Variants in SLC35F3 observed in about 807,000 individuals in gnomAD.
SLC35F3 encodes the protein putative thiamine transporter SLC35F3.
A neutral mutation model predicts 49.9 loss-of-function variants in SLC35F3; 25 were observed. The observed-to-expected ratio is 0.50, with a 90% confidence interval of 0.37 to 0.70. The LOEUF is 0.70. Among genes scored for constraint, SLC35F3 ranks in the 30% least tolerant of loss-of-function variants. SLC35F3 has a pLI of 0.00. For synonymous variants in SLC35F3, 275 were observed against 265.4 expected (o/e 1.04, Z -0.35); for missense variants, 525 against 639.8 (o/e 0.82, Z 1.94).
At chr1:234,035,102 C>T (rs1016195023) in intron 2 of SLC35F3, among the ~76,000 whole-genome samples, 2 of 152,202 alleles carry the variant, frequency 1.3e-5, no homozygotes, top group Admixed American at 1.3e-4. Context: ...CACTCCCTGC[C>T]TTCCGATCCC....
chr1:234,192,490 A>T (rs930038947), intron 2 of SLC35F3, among the ~76,000 whole-genome samples: 1 of 152,216 alleles, frequency 6.6e-6, no homozygotes, highest in Admixed American at 6.5e-5. Flanking sequence ...CACAGCCAAC[A>T]TAATACTGAA....
At chr1:234,212,484 G>A (rs1667058573) in intron 2 of SLC35F3, 1 of 152,146 alleles carries the variant, frequency 6.6e-6, no homozygotes, top group Non-Finnish European at 1.5e-5. Context: ...ATAAGTTCAG[G>A]CTTTTGAATA....
chr1:234,162,827 C>T (rs1031559532), intron 2 of SLC35F3, among the ~76,000 whole-genome samples: 3 of 152,172 alleles, frequency 2.0e-5, no homozygotes, highest in African/African-American at 7.2e-5. Context: ...TGTCTGTTTG[C>T]CTGGGGTTCC....
intron 2 of SLC35F3, among the ~76,000 whole-genome samples, chr1:233,921,474 C>G (rs907552066): frequency 6.6e-6 from 1 of 152,110 alleles, no homozygotes; most frequent in Admixed American, 6.6e-5. Flanking sequence ...TATCTAATGA[C>G]GTTTATTCAC....
intron 3 of SLC35F3, among the ~76,000 whole-genome samples, chr1:234,292,585 T>C (rs1668526848): frequency 6.6e-6 from 1 of 152,178 alleles, no homozygotes; most frequent in African/African-American, 2.4e-5. Flanking sequence ...GAATAAATGA[T>C]AAATGTTAGA....
chr1:234,167,775 A>G (rs1306076616), intron 2 of SLC35F3, among the ~76,000 whole-genome samples: 1 of 152,194 alleles, frequency 6.6e-6, no homozygotes, highest in Non-Finnish European at 1.5e-5. Flanking sequence ...TAGGGTAAAT[A>G]TCATTGATCC....
intron 2 of SLC35F3, among the ~76,000 whole-genome samples, chr1:233,930,580 C>T (rs1038136596): frequency 4.6e-5 from 7 of 152,134 alleles, no homozygotes; most frequent in African/African-American, 1.7e-4. Context: ...GGTTGATGCA[C>T]ACATTCTTTA....
At chr1:234,260,920 T>G (rs2102968255) in intron 3 of SLC35F3, among the ~76,000 whole-genome samples, 1 of 152,288 alleles carries the variant, frequency 6.6e-6, no homozygotes, top group African/African-American at 2.4e-5. Flanking sequence ...AGAGTTCCCA[T>G]GAGAGGGAAA....
chr1:234,297,319 G>A (rs1668619164), intron 3 of SLC35F3, among the ~76,000 whole-genome samples: 8 of 152,202 alleles, frequency 5.3e-5, no homozygotes, highest in Admixed American at 5.2e-4. Context: ...CAAAGGAACT[G>A]AAATCAGTAT....
chr1:234,181,951 T>C (rs1666564699), intron 2 of SLC35F3, among the ~76,000 whole-genome samples: 1 of 152,226 alleles, frequency 6.6e-6, no homozygotes, highest in African/African-American at 2.4e-5. Flanking sequence ...TTCTATCATC[T>C]TCTTTTTACT....
intron 3 of SLC35F3, among the ~76,000 whole-genome samples, chr1:234,242,677 A>G (rs1328804168): frequency 6.6e-6 from 1 of 152,254 alleles, no homozygotes; most frequent in Non-Finnish European, 1.5e-5. Context: ...TGTTGAGCAG[A>G]GAGAAAACAA....
chr1:234,207,831 A>G (rs575578990), intron 2 of SLC35F3, among the ~76,000 whole-genome samples: 32 of 152,210 alleles, frequency 2.1e-4, no homozygotes, highest in African/African-American at 7.2e-4. Context: ...GTAAGCTCAC[A>G]TCTCTACAAA....
At position 234,181,650 on chromosome 1, in the gene SLC35F3, TG is replaced by T. The variant is rs1341187091; in HGVS notation, c.284-49766del. Among the ~76,000 whole-genome samples, 6 of 152,340 alleles carry T rather than the reference TG, an allele frequency of 3.9e-5. No homozygotes were observed. In the East Asian group the frequency reaches 9.6e-4, roughly 24 times the overall value. The stretch of plus-strand genomic sequence containing the variant: ...TTTGTCTTGAGAATTTTCCACAGTG[TG>T]AATGTTGCTGATGGCATCTCTGTGG... On this transcript the variant is annotated intron_variant, in intron 2 of 7. Transcript: ENST00000366618.
intron 2 of SLC35F3, among the ~76,000 whole-genome samples, chr1:234,124,628 A>C (rs555634154): frequency 3.3e-5 from 5 of 152,284 alleles, no homozygotes; most frequent in Non-Finnish European, 5.9e-5. Context: ...GTGCTTTGGG[A>C]GGCTGCGGTG....
chr1:233,952,845 T>TA (rs1468401003), intron 2 of SLC35F3, among the ~76,000 whole-genome samples: 1 of 152,138 alleles, frequency 6.6e-6, no homozygotes, highest in African/African-American at 2.4e-5. Context: ...TTTTAACTCT[T>TA]AGTATCATCA....
chr1:234,114,328 T>G (rs904498543), intron 2 of SLC35F3, among the ~76,000 whole-genome samples: 4 of 152,178 alleles, frequency 2.6e-5, no homozygotes, highest in East Asian at 3.8e-4. Context: ...AATTCTTGAG[T>G]TTTTGTTGTT....
intron 2 of SLC35F3, among the ~76,000 whole-genome samples, chr1:234,114,407 A>G (rs1478199768): frequency 1.3e-5 from 2 of 152,218 alleles, no homozygotes; most frequent in African/African-American, 4.8e-5. Flanking sequence ...ATAAAACTAC[A>G]TTTCCAATAT....
chr1:234,013,953 G>C (rs1361664052), intron 2 of SLC35F3, among the ~76,000 whole-genome samples: 1 of 151,948 alleles, frequency 6.6e-6, no homozygotes, highest in Non-Finnish European at 1.5e-5. Context: ...AAAATTATGA[G>C]GAAAGCCATA....
chr1:233,905,269 TTCAG>T, intron 1 of SLC35F3, 139 bp downstream of exon 1: 1 of 961,450 alleles, frequency 1.0e-6, no homozygotes, highest in South Asian at 1.5e-5. Flanking sequence ...CTCGGGAAGT[TTCAG>T]TCATTCTTTC....
Sources: gnomAD v4.1 joint callset for allele counts (sites outside exome capture counted in the v4.1 genomes callset) on GRCh38, gnomAD v4.1.1 for gene constraint, MANE v1.5 for transcripts, NCBI Gene and HGNC (gene_info 2026-07-23, HGNC 2026-07-21) for gene names.